LARGE1: variants seen among roughly 807,000 people sequenced by gnomAD.
LARGE1 encodes the protein xylosyl- and glucuronyltransferase LARGE1.
In LARGE1, 43 loss-of-function variants were observed where a neutral mutation model predicts 87.6. That is an observed-to-expected ratio of 0.49 (90% CI 0.38 to 0.63). The LOEUF (loss-of-function observed/expected upper bound fraction) is 0.63, where lower values mean the gene tolerates loss of function less well. Ranked by LOEUF, LARGE1 falls within the 30% of genes least tolerant of loss-of-function variation. LARGE1 has a pLI of 0.00. For synonymous variants in LARGE1, 434 were observed against 394.6 expected (o/e 1.10, Z -1.18); for missense variants, 802 against 1,000.2 (o/e 0.80, Z 2.67).
chr22:33,190,878 G>A (rs1923739023), intron 11 of LARGE1, among the ~76,000 whole-genome samples: 1 of 152,116 alleles, frequency 6.6e-6, no homozygotes, highest in Non-Finnish European at 1.5e-5. Context: ...CTCAACTTAA[G>A]CATCTTGTAT....
intron 6 of LARGE1, among the ~76,000 whole-genome samples, chr22:33,473,232 G>T (rs1384360887): frequency 6.6e-6 from 1 of 151,450 alleles, no homozygotes; most frequent in Non-Finnish European, 1.5e-5. Context: ...GCAATGGCGT[G>T]ATCTTGGCTC....
At chr22:33,780,140 A>C (rs115213124) in intron 1 of LARGE1, among the ~76,000 whole-genome samples, 44 of 152,310 alleles carry the variant, frequency 2.9e-4, no homozygotes, top group African/African-American at 9.4e-4. Context: ...GCCTGTGTGC[A>C]CGTCTGTGTC....
intron 6 of LARGE1, among the ~76,000 whole-genome samples, chr22:33,445,564 T>C (rs539145720): frequency 1.3e-5 from 2 of 152,008 alleles, no homozygotes; most frequent in East Asian, 1.9e-4. Context: ...TCTTTGTCCC[T>C]CCTTGATCAC....
the LARGE1 span, among the ~76,000 whole-genome samples, chr22:33,088,183 T>A: frequency 6.6e-6 from 1 of 152,072 alleles, no homozygotes; most frequent in Non-Finnish European, 1.5e-5. Flanking sequence ...TAGGATCAAT[T>A]ACACAGAGAT....
chr22:33,857,947 G>A (rs959142967), intron 1 of LARGE1, among the ~76,000 whole-genome samples: 6 of 152,150 alleles, frequency 3.9e-5, no homozygotes, highest in Admixed American at 1.3e-4. Flanking sequence ...AGATCGTGGC[G>A]GGCCGCTTCC....
At chr22:33,505,636 A>G (rs1266696708) in intron 6 of LARGE1, among the ~76,000 whole-genome samples, 2 of 152,208 alleles carry the variant, frequency 1.3e-5, no homozygotes, top group Non-Finnish European at 2.9e-5. Context: ...TTCAAAAGCC[A>G]GAACTCTTTG....
At chr22:33,120,882 G>C in the LARGE1 span, among the ~76,000 whole-genome samples, 1 of 151,950 alleles carries the variant, frequency 6.6e-6, no homozygotes, top group Admixed American at 6.6e-5. Context: ...TCAATACCAG[G>C]GTTATGCAGG....
At chr22:33,718,350 T>C (rs1468683757) in intron 2 of LARGE1, among the ~76,000 whole-genome samples, 1 of 152,094 alleles carries the variant, frequency 6.6e-6, no homozygotes, top group African/African-American at 2.4e-5. Context: ...AAATCCAAGA[T>C]AGTGACCAAT....
the LARGE1 span, among the ~76,000 whole-genome samples, chr22:33,074,091 G>T: frequency 6.6e-6 from 1 of 152,150 alleles, no homozygotes; most frequent in African/African-American, 2.4e-5. Flanking sequence ...CAGGAAAGCA[G>T]CGTGACTGGG....
intron 1 of LARGE1, among the ~76,000 whole-genome samples, chr22:33,838,591 T>C (rs1227888572): frequency 1.3e-5 from 2 of 152,190 alleles, no homozygotes; most frequent in African/African-American, 4.8e-5. Flanking sequence ...GTGTGAGCTA[T>C]GATTGTGCCA....
At chr22:33,282,984 C>T (rs559262222) in intron 13 of LARGE1, among the ~76,000 whole-genome samples, 27 of 152,288 alleles carry the variant, frequency 1.8e-4, no homozygotes, top group African/African-American at 6.3e-4. Flanking sequence ...GAACACATAA[C>T]GTCTGTCATC....
intron 11 of LARGE1, among the ~76,000 whole-genome samples, chr22:33,266,460 C>G (rs1210287633): frequency 6.6e-6 from 1 of 151,434 alleles, no homozygotes; most frequent in Non-Finnish European, 1.5e-5. Flanking sequence ...CTGACCTCAG[C>G]TGGTCTGCCT....
chr22:33,082,847 A>G, the LARGE1 span, among the ~76,000 whole-genome samples: 2 of 152,172 alleles, frequency 1.3e-5, no homozygotes, highest in East Asian at 3.9e-4. Context: ...AACACGGTGA[A>G]ACCCCATCTC....
intron 3 of LARGE1, among the ~76,000 whole-genome samples, chr22:33,642,430 C>T (rs559735032): frequency 1.3e-5 from 2 of 152,214 alleles, no homozygotes; most frequent in East Asian, 3.9e-4. Context: ...ACTGCAAAAA[C>T]ATACCAAATT....
At chr22:33,786,014 C>T (rs2085629261) in intron 1 of LARGE1, among the ~76,000 whole-genome samples, 3 of 152,160 alleles carry the variant, frequency 2.0e-5, no homozygotes, top group South Asian at 4.1e-4. Flanking sequence ...ACAGGCAGCA[C>T]TAAATTGCCT....
At chr22:33,777,330 T>C (rs1396543559) in intron 1 of LARGE1, among the ~76,000 whole-genome samples, 1 of 152,044 alleles carries the variant, frequency 6.6e-6, no homozygotes, top group Non-Finnish European at 1.5e-5. Context: ...GCAGGAATGA[T>C]GGGATCTGTG....
chr22:33,861,487 A>G (rs2063918789), intron 1 of LARGE1: 1 of 152,292 alleles, frequency 6.6e-6, no homozygotes. Context: ...TTGCCATAGA[A>G]CAAGCCATGG....
chr22:33,276,910 A>G lies in LARGE1; in HGVS notation c.2073+150T>C, dbSNP rs1929414440. On this transcript the variant is annotated intron_variant, in intron 14 of 14. Transcript: ENST00000397394. Reference sequence around the variant, plus strand: ...AGGAAGGAGCAATGGTTTGGGATCAAGAGCCCAAGGATCAGTACTACCACT... The same window carrying G: ...AGGAAGGAGCAATGGTTTGGGATCAGGAGCCCAAGGATCAGTACTACCACT... 9 of 803,480 alleles carry G rather than the reference A, an allele frequency of 1.1e-5. No homozygotes were observed. The East Asian group carries it at 2.1e-4, about 19-fold the overall frequency. 49.8% of individuals were successfully genotyped at this position (803,480 alleles called of 1,614,324 possible).
At chr22:33,800,773 T>G (rs936736869) in intron 1 of LARGE1, among the ~76,000 whole-genome samples, 6 of 152,102 alleles carry the variant, frequency 3.9e-5, no homozygotes, top group African/African-American at 1.4e-4. Flanking sequence ...GGATATACAT[T>G]TTGTTCATTC....
Sources: gnomAD v4.1 joint callset for allele counts (sites outside exome capture counted in the v4.1 genomes callset) on GRCh38, gnomAD v4.1.1 for gene constraint, MANE v1.5 for transcripts, NCBI Gene and HGNC (gene_info 2026-07-23, HGNC 2026-07-21) for gene names.